Variants in PARP4 observed in about 807,000 individuals in gnomAD.
PARP4 encodes protein mono-ADP-ribosyltransferase PARP4.
A neutral mutation model predicts 187.7 loss-of-function variants in PARP4; 120 were observed. That is an observed-to-expected ratio of 0.64 (90% confidence interval 0.55 to 0.74). The LOEUF (loss-of-function observed/expected upper bound fraction) is 0.74. Among genes scored for constraint, PARP4 ranks in the 30% least tolerant of loss-of-function variants. PARP4 has a pLI of 0.00. For missense variants in PARP4, 1,836 were observed against 2,070.5 expected (o/e 0.89, Z 2.20); for synonymous variants, 654 against 740.9 (o/e 0.88, Z 1.90).
At chr13:24,427,945 T>C (rs1452244743) in intron 32 of PARP4, among the ~76,000 whole-genome samples, 1 of 152,004 alleles carries the variant, frequency 6.6e-6, no homozygotes, top group Non-Finnish European at 1.5e-5. Context: ...ATATAATAAA[T>C]AATAAACTGA....
intron 24 of PARP4, among the ~76,000 whole-genome samples, chr13:24,450,573 C>T (rs1214233987): frequency 5.9e-5 from 9 of 152,144 alleles, no homozygotes; most frequent in Admixed American, 2.0e-4. Context: ...TGTCTGTTAG[C>T]GAGGCAGGCT....
At chr13:24,498,542 C>T (rs1443594631) in intron 5 of PARP4, among the ~76,000 whole-genome samples, 1 of 152,062 alleles carries the variant, frequency 6.6e-6, no homozygotes, top group Non-Finnish European at 1.5e-5. Flanking sequence ...ATTTTATTAA[C>T]ATATCTCAAA....
intron 4 of PARP4, among the ~76,000 whole-genome samples, chr13:24,499,945 CTGT>C (rs557140260): frequency 1.3e-5 from 2 of 151,986 alleles, no homozygotes; most frequent in Admixed American, 6.5e-5. Flanking sequence ...TTGAGGAAGG[CTGT>C]TGTTATTTCC....
chr13:24,492,415 G>T lies in PARP4; in HGVS notation c.1053+6C>A. 6.2e-7 allele frequency: 1 copy of T among 1,604,688 alleles called. No homozygotes were observed. The highest frequency in any genetic ancestry group is 8.5e-7 in the Non-Finnish European group (1 of 1,174,564). On this transcript the variant is annotated splice_donor_region_variant and intron_variant, in intron 9 of 33. Coordinates refer to ENST00000381989, the MANE Select transcript of PARP4 (RefSeq NM_006437.4). ...ATAAATAGAATTCTATATTTCAGAG[G>T]TTTACCTGGCAGAGGTCTGCTTTCT... is the stretch of plus-strand genomic sequence containing the variant.
At chr13:24,452,679 G>A in intron 23 of PARP4, 86 bp from the exon 24 acceptor site, 2 of 1,039,614 alleles carry the variant, frequency 1.9e-6, no homozygotes, top group South Asian at 1.5e-5. Flanking sequence ...TAAGGACAGT[G>A]TAGGGATATG....
chr13:24,507,046 C>G (rs1019885245), intron 1 of PARP4, among the ~76,000 whole-genome samples: 1 of 152,206 alleles, frequency 6.6e-6, no homozygotes, highest in Non-Finnish European at 1.5e-5. Context: ...TGCTGCTGGC[C>G]CGGACGCTAA....
chr13:24,447,514 C>T (rs766439165), intron 25 of PARP4, among the ~76,000 whole-genome samples: 1 of 152,326 alleles, frequency 6.6e-6, no homozygotes, highest in East Asian at 1.9e-4. Flanking sequence ...GCGTACACCA[C>T]CACACCCAGC....
chr13:24,483,040 A>C (rs575451308), intron 12 of PARP4, among the ~76,000 whole-genome samples: 1 of 149,726 alleles, frequency 6.7e-6, no homozygotes, highest in Non-Finnish European at 1.5e-5. Context: ...TTTTTTTAAG[A>C]GATTGGGTCT....
At chr13:24,481,873 GA>G (rs1873299823) in intron 12 of PARP4, among the ~76,000 whole-genome samples, 1 of 151,926 alleles carries the variant, frequency 6.6e-6, no homozygotes, top group Admixed American at 6.6e-5. Flanking sequence ...ACTCTAAAAA[GA>G]AAAAAATACA....
In PARP4 at chr13:24,452,551, G is replaced by C. The variant is rs761057734; in HGVS notation, c.2869C>G (p.Leu957Val). The change falls in exon 24 of 34, where the codon CTC (leucine) becomes GTC (valine). Residue 957 changes from leucine to valine, a missense_variant. This residue lies in a region of PARP4 where 1,147 missense variants were observed against 1,214.2 expected (regional missense o/e 0.94). Transcript: ENST00000381989. ...GGGTACAATAAGCTAAGATATCGGA[G>C]TGTTTTCCAGAAGTCTGTGTTCCCC... Reference protein sequence around the residue: ...TMGNTDFWKTLRYLSLLYPAR... With the variant: ...TMGNTDFWKTVRYLSLLYPAR... The C allele has an allele frequency of 4.3e-6, 7 of 1,614,108 alleles. No individual in the cohort carries two copies. Among genetic ancestry groups the C allele is most frequent in the Non-Finnish European group, 5.9e-6 (7 of 1,179,978 alleles).
At position 24,434,923 on chromosome 13, in the gene PARP4, T is replaced by A. The variant is rs1371986134; in HGVS notation, c.4218A>T (p.Leu1406Phe). The A allele has an allele frequency of 1.9e-6, 3 of 1,614,020 alleles. No individual in the cohort carries two copies. Among genetic ancestry groups the A allele is most frequent in the Non-Finnish European group, 2.5e-6 (3 of 1,179,990 alleles). ...YCGIVFSGSS[L>F]SSAQSAPLQH... ...GCAGTGGAGCAGACTGTGCAGAGCT[T>A]AATGAGCTCCCTGAAAAAACAATGC... The change falls in exon 31 of 34, where the codon TTA becomes TTT. Residue 1406 changes from leucine (L) to phenylalanine (F), a missense_variant. Coordinates refer to ENST00000381989, the MANE Select transcript of PARP4 (RefSeq NM_006437.4).
chr13:24,465,649 TA>T (rs1451008432), intron 17 of PARP4, among the ~76,000 whole-genome samples: 3 of 152,040 alleles, frequency 2.0e-5, no homozygotes, highest in African/African-American at 7.2e-5. Context: ...AGCATCAGGA[TA>T]AATAGCTAAT....
chr13:24,470,017 A>C lies in PARP4; in HGVS notation c.1923T>G (p.Val641=). 6.2e-6 allele frequency: 10 copies of C among 1,612,462 alleles called. No homozygotes were observed. Among genetic ancestry groups the C allele is most frequent in the Non-Finnish European group, 8.5e-6 (10 of 1,179,220 alleles). Residue 641 remains valine (V), a synonymous_variant, in exon 16 of 34, where the codon GTT becomes GTG. Transcript: ENST00000381989. ...GACTTTTATTTGTGTATGTCTGAAA[A>C]ACAATGACCTGAAGAAGAAAAAAAA... ...RIIDTVAQVI[V]FQTYTNKSHV... is the part of the protein sequence containing the mutation.
chr13:24,425,031 G>A (rs1869953233), intron 33 of PARP4, among the ~76,000 whole-genome samples: 1 of 152,042 alleles, frequency 6.6e-6, no homozygotes, highest in African/African-American at 2.4e-5. Context: ...GATGGGCACA[G>A]TGGTTCATGT....
At chr13:24,487,828 A>T (rs146407852) in intron 10 of PARP4, among the ~76,000 whole-genome samples, 1 of 152,320 alleles carries the variant, frequency 6.6e-6, no homozygotes, top group African/African-American at 2.4e-5. Context: ...CCGGGTGAGC[A>T]GCATCGGGGT....
At chr13:24,453,486 A>G (rs1565997920) in intron 23 of PARP4, 101 bp downstream of exon 23, 1 of 674,556 alleles carries the variant, frequency 1.5e-6, no homozygotes, top group African/African-American at 1.8e-5. Flanking sequence ...CCACAGGAGT[A>G]GGGGTGCTCT....
chr13:24,474,831 C>CA (rs775559511), intron 15 of PARP4, among the ~76,000 whole-genome samples: 2 of 152,016 alleles, frequency 1.3e-5, no homozygotes, highest in Non-Finnish European at 2.9e-5. Context: ...CCATTTCACT[C>CA]AGAGTCAAGG....
intron 10 of PARP4, among the ~76,000 whole-genome samples, chr13:24,488,013 A>T (rs1868418638): frequency 6.6e-6 from 1 of 152,250 alleles, no homozygotes; most frequent in African/African-American, 2.4e-5. Context: ...TAATATAAAG[A>T]AATCATGATT....
chr13:24,469,359 T>A (rs1267025118), intron 16 of PARP4, among the ~76,000 whole-genome samples: 1 of 152,042 alleles, frequency 6.6e-6, no homozygotes. Flanking sequence ...GTGAAAAAAA[T>A]TTTTCTGGTT....
Sources: gnomAD v4.1 joint callset for allele counts (sites outside exome capture counted in the v4.1 genomes callset) on GRCh38, gnomAD v4.1.1 for gene constraint, gnomAD v4.1.1 regional missense constraint, MANE v1.5 for transcripts, NCBI Gene and HGNC (gene_info 2026-07-23, HGNC 2026-07-21) for gene names.